Variants in TSHZ3 observed in about 807,000 individuals in gnomAD.
The protein encoded by TSHZ3 is teashirt homolog 3.
Under a neutral mutation model 64.5 loss-of-function variants are expected in TSHZ3, and 10 were observed. The observed-to-expected ratio is 0.16, with a 90% CI of 0.10 to 0.26. TSHZ3 has a LOEUF of 0.26. Among genes scored for constraint, TSHZ3 ranks in the 10% least tolerant of loss-of-function variants. TSHZ3 has a pLI of 1.00. For synonymous variants in TSHZ3, 608 were observed against 593.1 expected (o/e 1.03, Z -0.36); for missense variants, 1,242 against 1,421.7 (o/e 0.87, Z 2.03).
At chr19:31,312,529 T>A (rs1916487958) in intron 1 of TSHZ3, among the ~76,000 whole-genome samples, 1 of 152,160 alleles carries the variant, frequency 6.6e-6, no homozygotes, top group Non-Finnish European at 1.5e-5. Context: ...CTTCCTAATG[T>A]CCTCTCTCTT....
At chr19:31,179,039 T>G (rs1193397942) in intron 5 of TSHZ3, among the ~76,000 whole-genome samples, 1 of 129,732 alleles carries the variant, frequency 7.7e-6, no homozygotes, top group East Asian at 2.2e-4. Context: ...ATGATGATGA[T>G]GATGATGATG....
intron 1 of TSHZ3, among the ~76,000 whole-genome samples, chr19:31,257,392 T>C (rs900952670): frequency 6.6e-6 from 1 of 152,052 alleles, no homozygotes; most frequent in African/African-American, 2.4e-5. Context: ...CAAAACAGTA[T>C]ATGTGAGTAG....
At chr19:31,224,901 C>A (rs1358893774) in intron 4 of TSHZ3, among the ~76,000 whole-genome samples, 5 of 152,148 alleles carry the variant, frequency 3.3e-5, no homozygotes, top group Non-Finnish European at 7.3e-5. Flanking sequence ...TCTTAAATGG[C>A]AAATTACCAG....
At position 31,277,574 on chromosome 19, in the gene TSHZ3, G is replaced by C; in HGVS notation, c.2219C>G (p.Ser740Cys). 6.3e-7 allele frequency: 1 copy of C among 1,598,380 alleles called. No individual in the cohort carries two copies. Among genetic ancestry groups the C allele is most frequent in the Non-Finnish European group, 8.5e-7 (1 of 1,171,724 alleles). Residue 740 changes from serine (S) to cysteine (C), a missense_variant, in exon 2 of 2, where the codon TCC becomes TGC. Ser to Cys is a moderately radical substitution (Grantham distance 112). Transcript: ENST00000240587. The surrounding 1 kb of genome is among the most constrained non-coding windows in gnomAD (Gnocchi z 4.5). The stretch of plus-strand genomic sequence containing the variant: ...GCTCATGGGGTCCAGGGCAGGCAGG[G>C]AGGGCTTGGCGGCCTTGCCCAGGTG... ...NIHLGKAAKP[S>C]LPALDPMSML...
intron 1 of TSHZ3, among the ~76,000 whole-genome samples, chr19:31,323,209 C>T (rs566074498): frequency 4.5e-4 from 69 of 152,340 alleles, no homozygotes; most frequent in African/African-American, 1.6e-3. Context: ...GGCCAGGCCT[C>T]CCTCTTCCAG....
intron 5 of TSHZ3, among the ~76,000 whole-genome samples, chr19:31,173,794 A>G (rs1733888694): frequency 6.6e-6 from 1 of 152,192 alleles, no homozygotes; most frequent in African/African-American, 2.4e-5. Context: ...CAGATTTATT[A>G]TACAGAATCA....
chr19:31,318,787 C>T (rs375322722), intron 1 of TSHZ3, among the ~76,000 whole-genome samples: 6 of 152,164 alleles, frequency 3.9e-5, no homozygotes, highest in Non-Finnish European at 7.4e-5. Context: ...TCAGAAACTT[C>T]GCAGGAAGTT....
At chr19:31,312,983 G>A (rs1023487293) in intron 1 of TSHZ3, among the ~76,000 whole-genome samples, 1 of 151,674 alleles carries the variant, frequency 6.6e-6, no homozygotes, top group South Asian at 2.1e-4. Flanking sequence ...TTATAGGAGT[G>A]ACACACTTTC....
intron 1 of TSHZ3, among the ~76,000 whole-genome samples, chr19:31,337,731 AC>A (rs1917294204): frequency 6.6e-6 from 1 of 151,578 alleles, no homozygotes; most frequent in Non-Finnish European, 1.5e-5. Context: ...ACACACACAC[AC>A]ACACACACAC....
chr19:31,282,057 C>T (rs1227852549), intron 1 of TSHZ3, among the ~76,000 whole-genome samples: 7 of 152,202 alleles, frequency 4.6e-5, no homozygotes, highest in Non-Finnish European at 1.0e-4. Flanking sequence ...TTATAATCCT[C>T]TCGGGGAACA....
At chr19:31,310,089 G>A (rs1466067972) in intron 1 of TSHZ3, among the ~76,000 whole-genome samples, 2 of 152,172 alleles carry the variant, frequency 1.3e-5, no homozygotes, top group Non-Finnish European at 2.9e-5. Context: ...CCTTCCTTGA[G>A]TTTGAGCGAC....
At chr19:31,153,400 G>A (rs926111253) in intron 6 of TSHZ3, among the ~76,000 whole-genome samples, 19 of 152,226 alleles carry the variant, frequency 1.2e-4, no homozygotes, top group African/African-American at 4.3e-4. Flanking sequence ...TATAGAGAAA[G>A]GAGTGGAAGG....
upstream of TSHZ3, chr19:31,349,528 G>C (rs922775185): frequency 3.0e-6 from 1 of 332,276 alleles, no homozygotes; most frequent in Non-Finnish European, 5.4e-6. Flanking sequence ...GGAGGACCGC[G>C]CTGCCGGCGG....
intron 1 of TSHZ3, among the ~76,000 whole-genome samples, chr19:31,328,137 C>G (rs188540870): frequency 6.6e-6 from 1 of 152,230 alleles, no homozygotes; most frequent in Non-Finnish European, 1.5e-5. Context: ...GCTACAAACT[C>G]TGTCAGAAGA....
intron 1 of TSHZ3, among the ~76,000 whole-genome samples, chr19:31,322,096 T>C (rs1221287044): frequency 1.3e-5 from 2 of 152,220 alleles, no homozygotes; most frequent in Non-Finnish European, 2.9e-5. Context: ...TTTTCTGTTC[T>C]TGTGTTAGTT....
intron 3 of TSHZ3, among the ~76,000 whole-genome samples, chr19:31,236,479 T>C (rs910378592): frequency 5.3e-5 from 8 of 152,340 alleles, no homozygotes; most frequent in African/African-American, 1.9e-4. Context: ...TCATTTTTAA[T>C]CAGGTATTTG....
intron 1 of TSHZ3, among the ~76,000 whole-genome samples, chr19:31,283,700 C>T (rs1220884848): frequency 3.3e-5 from 5 of 152,186 alleles, no homozygotes; most frequent in East Asian, 3.9e-4. Context: ...GCTGTAAAGT[C>T]GCTTAATCTG....
chr19:31,160,039 A>G (rs907023900), intron 5 of TSHZ3, among the ~76,000 whole-genome samples: 1 of 152,176 alleles, frequency 6.6e-6, no homozygotes, highest in African/African-American at 2.4e-5. Context: ...TGGAGGAATA[A>G]ATAATACTAC....
intron 3 of TSHZ3, among the ~76,000 whole-genome samples, chr19:31,230,954 G>A (rs906832571): frequency 1.3e-5 from 2 of 151,280 alleles, no homozygotes; most frequent in African/African-American, 2.4e-5. Context: ...CTCCAGCCTC[G>A]GCCTCCCAAA....
Sources: gnomAD v4.1 joint callset for allele counts (sites outside exome capture counted in the v4.1 genomes callset) on GRCh38, gnomAD v4.1.1 for gene constraint, Gnocchi (gnomAD v3.1) non-coding constraint, MANE v1.5 for transcripts, NCBI Gene and HGNC (gene_info 2026-07-23, HGNC 2026-07-21) for gene names.